Variants in GRAMD1B observed in about 807,000 individuals in gnomAD.
GRAMD1B encodes protein Aster-B.
In GRAMD1B, 37 loss-of-function variants were observed where a neutral mutation model predicts 99.7. The observed-to-expected ratio is 0.37, with a 90% CI of 0.29 to 0.49. GRAMD1B has a LOEUF of 0.49. Ranked by LOEUF, GRAMD1B falls within the 20% of genes least tolerant of loss-of-function variation. GRAMD1B has a pLI of 0.98. For missense variants in GRAMD1B, 888 were observed against 1,009.2 expected, an observed-to-expected ratio of 0.88 and a Z score of 1.63; for synonymous variants, 427 against 387.6, an observed-to-expected ratio of 1.10 and a Z score of -1.19.
intron 1 of GRAMD1B, among the ~76,000 whole-genome samples, chr11:123,383,932 G>A (rs1485482569): frequency 2.0e-5 from 3 of 151,752 alleles, no homozygotes; most frequent in African/African-American, 4.8e-5. Context: ...GTGCAGTGAC[G>A]CGATCTCAGC....
At chr11:123,584,758 C>G (rs182890403) in intron 4 of GRAMD1B, among the ~76,000 whole-genome samples, 10 of 152,220 alleles carry the variant, frequency 6.6e-5, no homozygotes, top group South Asian at 2.1e-4. Flanking sequence ...AGAGTCAACC[C>G]ATGTGCTGGG....
intron 4 of GRAMD1B, among the ~76,000 whole-genome samples, chr11:123,589,614 T>TATATATA (rs1555089174): frequency 0.017 from 2,206 of 128,156 alleles, 55 homozygotes; most frequent in East Asian, 0.025. Flanking sequence ...TGGCTAATTT[T>TATATATA]TATATATATA....
In GRAMD1B at chr11:123,548,347, C is replaced by T. The variant is rs1316940625; in HGVS notation, c.453-29020C>T. ...ATATACACACACACACACACACACA[C>T]ACATATATATATATATGTACACACA... On this transcript the variant is annotated intron_variant, in intron 2 of 19. Transcript: ENST00000635736. 5.6e-3 allele frequency among the ~76,000 whole-genome samples: 642 copies of T among 115,128 alleles called. 15 individuals carry two copies. The highest frequency in any genetic ancestry group is 0.024 in the African/African-American group (533 of 22,276). 75.5% of individuals were successfully genotyped at this position (115,128 alleles called of 152,430 possible).
At chr11:123,383,775 T>C (rs1178710700) in intron 1 of GRAMD1B, among the ~76,000 whole-genome samples, 2 of 151,430 alleles carry the variant, frequency 1.3e-5, no homozygotes, top group African/African-American at 4.9e-5. Flanking sequence ...ATTTTGGCTA[T>C]TGTTCCCTTC....
In GRAMD1B at chr11:123,510,037, G is replaced by A. The variant is rs963206998; in HGVS notation, c.452+29144G>A. The A allele has an allele frequency of 6.6e-6, 1 of 152,242 alleles. No individual in the cohort carries two copies. The highest frequency in any genetic ancestry group is 1.5e-5 in the Non-Finnish European group (1 of 68,118). The allele number at this position is 152,242 out of a possible 1,614,324, so 9.4% of individuals were successfully genotyped here. On this transcript the variant is annotated intron_variant, in intron 2 of 19. Coordinates refer to ENST00000635736, the MANE Select transcript of GRAMD1B (RefSeq NM_001387025.1). This position sits in a 1 kb window ranked among gnomAD's most constrained non-coding sequence, Gnocchi z 4.3. ...TCAGTCAGTCTGAATGTTATTGCAA[G>A]GTGAGTGGCTTCACCGGGCGAATTT... is the stretch of plus-strand genomic sequence containing the variant.
chr11:123,476,328 T>G lies in GRAMD1B; in HGVS notation c.375-4488T>G, dbSNP rs145969716. On this transcript the variant is annotated intron_variant, in intron 1 of 19. Coordinates refer to ENST00000635736, the MANE Select transcript of GRAMD1B (RefSeq NM_001387025.1). ...GTTGGCCAGGCTGGTCTCGAACTCC[T>G]TACTTCAGGTGATCTACCCGCCTCG... Among the ~76,000 whole-genome samples the G allele has an allele frequency of 8.7e-3, 1,330 of 152,284 alleles. 19 individuals carry two copies. Among genetic ancestry groups the G allele is most frequent in the African/African-American group, 0.03 (1,262 of 41,566 alleles).
chr11:123,573,585 C>T (rs965685541), intron 2 of GRAMD1B, among the ~76,000 whole-genome samples: 1 of 152,138 alleles, frequency 6.6e-6, no homozygotes, highest in Admixed American at 6.5e-5. Flanking sequence ...GCCCTGCCTC[C>T]CATCCATCTG....
intron 2 of GRAMD1B, among the ~76,000 whole-genome samples, chr11:123,485,357 A>G (rs1245672672): frequency 6.6e-6 from 1 of 152,228 alleles, no homozygotes; most frequent in Non-Finnish European, 1.5e-5. Context: ...GAACGGTTAT[A>G]GTATTCAGAG....
chr11:123,470,223 A>C (rs1025489792), intron 1 of GRAMD1B, among the ~76,000 whole-genome samples: 1 of 152,230 alleles, frequency 6.6e-6, no homozygotes, highest in Non-Finnish European at 1.5e-5. Flanking sequence ...CCCACACCAC[A>C]GAAGACACTT....
chr11:123,497,259 C>G (rs1414968856), intron 2 of GRAMD1B, among the ~76,000 whole-genome samples: 1 of 152,178 alleles, frequency 6.6e-6, no homozygotes, highest in Admixed American at 6.5e-5. Flanking sequence ...CCCTTACTTT[C>G]TCCCAAACAA....
At chr11:123,572,399 A>C (rs532896273) in intron 2 of GRAMD1B, among the ~76,000 whole-genome samples, 1 of 152,320 alleles carries the variant, frequency 6.6e-6, no homozygotes, top group East Asian at 1.9e-4. Context: ...TTGAAACTTT[A>C]TGTTATGTTA....
chr11:123,588,392 A>C (rs1037126360), intron 4 of GRAMD1B, among the ~76,000 whole-genome samples: 1 of 152,114 alleles, frequency 6.6e-6, no homozygotes, highest in Non-Finnish European at 1.5e-5. Flanking sequence ...CCTTCTGCGT[A>C]CGGGACTCAT....
chr11:123,402,984 C>A, intron 1 of GRAMD1B, among the ~76,000 whole-genome samples: 1 of 144,180 alleles, frequency 6.9e-6, no homozygotes, highest in African/African-American at 2.8e-5. Flanking sequence ...TTTTTTAAAC[C>A]ATCTTACTGT....
chr11:123,364,501 G>A (rs1406037112), intron 1 of GRAMD1B, among the ~76,000 whole-genome samples: 3 of 152,184 alleles, frequency 2.0e-5, no homozygotes, highest in African/African-American at 4.8e-5. Flanking sequence ...TTAGGCATCC[G>A]TGTGCATTTT....
At chr11:123,599,232 G>A in intron 7 of GRAMD1B, 1 of 755,576 alleles carries the variant, frequency 1.3e-6, no homozygotes. Context: ...TCCTGAAATG[G>A]CACCGAGCTC....
At chr11:123,442,756 G>A (rs1034194717) in intron 1 of GRAMD1B, among the ~76,000 whole-genome samples, 7 of 152,094 alleles carry the variant, frequency 4.6e-5, no homozygotes, top group East Asian at 1.9e-4. Context: ...GTGACAAAGC[G>A]AGATACCATC....
intron 1 of GRAMD1B, among the ~76,000 whole-genome samples, chr11:123,395,972 CTG>C (rs933074022): frequency 6.6e-6 from 1 of 152,114 alleles, no homozygotes. Context: ...GACTAGAAGA[CTG>C]TAATCTATTT....
At chr11:123,445,955 C>G (rs553834985) in intron 1 of GRAMD1B, among the ~76,000 whole-genome samples, 1 of 152,120 alleles carries the variant, frequency 6.6e-6, no homozygotes, top group East Asian at 1.9e-4. Context: ...TAAGATCTAA[C>G]TGAAATCCCC....
At chr11:123,419,698 AGTGTGT>A (rs3222403) in intron 1 of GRAMD1B, among the ~76,000 whole-genome samples, 17,810 of 133,806 alleles carry the variant, frequency 0.13, 1,183 homozygotes, top group Non-Finnish European at 0.16. Context: ...GGAATTTCTA[AGTGTGT>A]GTGTGTGTGT....
Sources: allele counts gnomAD v4.1 joint callset (sites outside exome capture counted in the v4.1 genomes callset), GRCh38; gene constraint gnomAD v4.1.1; non-coding constraint Gnocchi (gnomAD v3.1); transcripts MANE v1.5; gene names NCBI Gene and HGNC (gene_info 2026-07-23, HGNC 2026-07-21).